The following MMP26 variants were observed in gnomAD, a reference collection of about 807,000 sequenced individuals.
The protein encoded by MMP26 is matrix metallopeptidase 26, also known as matrix metalloproteinase-26.
A neutral mutation model predicts 31.0 loss-of-function variants in MMP26; 33 were observed. That is an observed-to-expected ratio of 1.06 (90% confidence interval 0.81 to 1.42). The LOEUF (loss-of-function observed/expected upper bound fraction) is 1.42. Among genes scored for constraint, MMP26 ranks in the 40% most tolerant of loss-of-function variants. The pLI, the probability that MMP26 is intolerant of heterozygous loss-of-function variation, is 0.00. For missense variants in MMP26, 347 were observed against 316.1 expected (o/e 1.10, Z -0.74); for synonymous variants, 122 against 114.9 (o/e 1.06, Z -0.40).
chr11:4,801,528 A>G (rs1349675012), intron 2 of MMP26, among the ~76,000 whole-genome samples: 1 of 148,330 alleles, frequency 6.7e-6, no homozygotes, highest in Non-Finnish European at 1.5e-5. Context: ...TTATTTATTT[A>G]TTTATTTATT....
intron 2 of MMP26, chr11:4,881,864 T>C: frequency 1.3e-6 from 2 of 1,559,644 alleles, no homozygotes; most frequent in East Asian, 2.2e-5. Context: ...TCTTAATTAT[T>C]TTTCTTTCCT....
intron 1 of MMP26, chr11:4,723,313 A>G (rs4910667): frequency 0.98 from 978,342 of 1,002,628 alleles, 478,143 homozygotes; most frequent in Non-Finnish European, 0.98. Flanking sequence ...CCCAGCCAGC[A>G]TCTGCAGCTC....
intron 2 of MMP26, among the ~76,000 whole-genome samples, chr11:4,978,620 C>T (rs1846771780): frequency 6.6e-6 from 1 of 151,930 alleles, no homozygotes; most frequent in African/African-American, 2.4e-5. Flanking sequence ...ATGTTTTCCT[C>T]ATATTAAAAA....
At chr11:4,705,709 G>C (rs141741971) in intron 1 of MMP26, among the ~76,000 whole-genome samples, 1 of 152,262 alleles carries the variant, frequency 6.6e-6, no homozygotes, top group African/African-American at 2.4e-5. Context: ...GCTATTATTG[G>C]CCGGGAGCAG....
At chr11:4,947,596 A>G (rs1846331975) in intron 2 of MMP26, 1 of 128,198 alleles carries the variant, frequency 7.8e-6, no homozygotes, top group African/African-American at 2.7e-5. Flanking sequence ...AATAATTCTG[A>G]TATACAAACC....
chr11:4,864,260 T>C (rs1301732462), intron 2 of MMP26, among the ~76,000 whole-genome samples: 1 of 152,192 alleles, frequency 6.6e-6, no homozygotes, highest in East Asian at 1.9e-4. Flanking sequence ...ATTTAATGTA[T>C]TTCTCTGTAA....
chr11:4,828,791 C>G (rs1053476256), intron 2 of MMP26, among the ~76,000 whole-genome samples: 3 of 151,026 alleles, frequency 2.0e-5, no homozygotes, highest in African/African-American at 7.4e-5. Context: ...AGTTGAGAAA[C>G]TAGGCTGGAT....
At chr11:4,906,331 A>C (rs1164649075) in intron 2 of MMP26, among the ~76,000 whole-genome samples, 1 of 152,206 alleles carries the variant, frequency 6.6e-6, no homozygotes, top group Admixed American at 6.5e-5. Flanking sequence ...GGAACTTCAT[A>C]AATAACTATA....
chr11:4,862,349 G>A (rs1022446034), intron 2 of MMP26, among the ~76,000 whole-genome samples: 1 of 152,094 alleles, frequency 6.6e-6, no homozygotes, highest in African/African-American at 2.4e-5. Context: ...CATATGTAAG[G>A]CATTTATTAA....
intron 2 of MMP26, among the ~76,000 whole-genome samples, chr11:4,776,415 A>T (rs1243315609): frequency 6.6e-6 from 1 of 152,154 alleles, no homozygotes; most frequent in South Asian, 2.1e-4. Context: ...CCAAGACTGT[A>T]TAAGCATTTT....
At chr11:4,992,161 G>A in intron 7 of MMP26, 36 bp downstream of exon 7, 1 of 1,606,310 alleles carries the variant, frequency 6.2e-7, no homozygotes, top group Non-Finnish European at 8.5e-7. Flanking sequence ...GGAGATCTGG[G>A]CAGGAAAATT....
chr11:4,742,099 C>T (rs1029101041), intron 1 of MMP26, among the ~76,000 whole-genome samples: 30 of 152,306 alleles, frequency 2.0e-4, no homozygotes, highest in Middle Eastern at 3.4e-3. Context: ...GTTTCCAATG[C>T]TATGTGACAA....
intron 2 of MMP26, among the ~76,000 whole-genome samples, chr11:4,823,751 A>G (rs1205997573): frequency 1.3e-5 from 2 of 152,204 alleles, no homozygotes; most frequent in Non-Finnish European, 2.9e-5. Flanking sequence ...CTCAGATAGC[A>G]TAACAACGTA....
intron 2 of MMP26, among the ~76,000 whole-genome samples, chr11:4,898,024 T>C (rs1850738653): frequency 6.6e-6 from 1 of 150,504 alleles, no homozygotes; most frequent in African/African-American, 2.4e-5. Context: ...CATTTTTTAT[T>C]CTTTTCTGTT....
chr11:4,740,929 G>A (rs1300420016), intron 1 of MMP26, among the ~76,000 whole-genome samples: 1 of 152,082 alleles, frequency 6.6e-6, no homozygotes, highest in African/African-American at 2.4e-5. Flanking sequence ...AAGATGTATT[G>A]AAAGGACAAT....
At chr11:4,728,943 G>A (rs557682550) in intron 1 of MMP26, among the ~76,000 whole-genome samples, 2 of 151,528 alleles carry the variant, frequency 1.3e-5, no homozygotes, top group African/African-American at 4.8e-5. Context: ...GATCATGCAC[G>A]TTGATGTATA....
rs978917317 is a variant in MMP26 at position 4,988,090 on chromosome 11, C to A, written c.-122C>A. 3 of 850,524 alleles carry A rather than the reference C, an allele frequency of 3.5e-6. No individual in the cohort carries two copies. The highest frequency in any genetic ancestry group is 2.4e-5 in the East Asian group (1 of 41,054). The allele number at this position is 850,524 out of a possible 1,614,324, so 52.7% of individuals were successfully genotyped here. On this transcript the variant is annotated 5_prime_UTR_variant, in exon 3 of 8. Coordinates refer to ENST00000380390, the MANE Select transcript of MMP26 (RefSeq NM_021801.5). ...CAGGTATGGATGATGACGCCACTCACAGATTCAAAGAAAGGGCAAACTGGC... is the reference window on the plus strand; with the variant it reads ...CAGGTATGGATGATGACGCCACTCAAAGATTCAAAGAAAGGGCAAACTGGC...
chr11:4,838,266 C>T (rs1162293900), intron 2 of MMP26, among the ~76,000 whole-genome samples: 5 of 126,756 alleles, frequency 3.9e-5, no homozygotes, highest in South Asian at 2.6e-4. Flanking sequence ...TGCAGTGAGC[C>T]GAGATCTCGC....
At chr11:4,919,825 T>A (rs1430421161) in intron 2 of MMP26, among the ~76,000 whole-genome samples, 1 of 152,152 alleles carries the variant, frequency 6.6e-6, no homozygotes, top group Non-Finnish European at 1.5e-5. Context: ...TTGATGATTA[T>A]TCTGGGTGCT....
Sources: allele counts gnomAD v4.1 joint callset (sites outside exome capture counted in the v4.1 genomes callset), GRCh38; gene constraint gnomAD v4.1.1; transcripts MANE v1.5; gene names NCBI Gene and HGNC (gene_info 2026-07-23, HGNC 2026-07-21).